RNF180: variants seen among roughly 807,000 people sequenced by gnomAD.
RNF180 encodes ring finger protein 180, also known as E3 ubiquitin-protein ligase RNF180.
In RNF180, 38 loss-of-function variants were observed where a neutral mutation model predicts 59.2. The observed-to-expected ratio is 0.64, with a 90% confidence interval of 0.50 to 0.84. RNF180 has a LOEUF of 0.84. RNF180 is among the 40% of genes least tolerant of loss of function. The probability of loss-of-function intolerance (pLI) is 0.00; values close to 1 mark genes in which losing one functional copy is unlikely to be tolerated. For missense variants in RNF180, 705 were observed against 700.9 expected (o/e 1.01, Z -0.07); for synonymous variants, 262 against 240.3 (o/e 1.09, Z -0.84).
rs553545595 is a variant in RNF180 at position 64,192,575 on chromosome 5, G to A, written c.1-8233G>A. ...TAATCCCAGCTACTCAGGAGGCTGAGGCAGGAGAATCACTTGAACCCAGGA... is the reference window on the plus strand; with the variant it reads ...TAATCCCAGCTACTCAGGAGGCTGAAGCAGGAGAATCACTTGAACCCAGGA... On this transcript the variant is annotated intron_variant, in intron 1 of 7. Coordinates refer to ENST00000389100, the MANE Select transcript of RNF180 (RefSeq NM_001113561.2). Among the ~76,000 whole-genome samples the A allele has an allele frequency of 7.9e-5, 12 of 152,142 alleles. No homozygotes were observed. In the East Asian group the frequency reaches 2.3e-3, roughly 30 times the overall value.
intron 5 of RNF180, among the ~76,000 whole-genome samples, chr5:64,268,797 C>T (rs1366541402): frequency 3.3e-5 from 5 of 152,118 alleles, no homozygotes; most frequent in Admixed American, 1.3e-4. Flanking sequence ...CCTTGGGGAA[C>T]GTGTCCTGAC....
chr5:64,363,575 T>G (rs1375674161), intron 7 of RNF180, among the ~76,000 whole-genome samples: 1 of 151,948 alleles, frequency 6.6e-6, no homozygotes, highest in African/African-American at 2.4e-5. Context: ...TTCAGGCTCT[T>G]TTTTGGTTCC....
At chr5:64,206,627 A>G (rs1254404921) in intron 2 of RNF180, among the ~76,000 whole-genome samples, 1 of 152,336 alleles carries the variant, frequency 6.6e-6, no homozygotes, top group East Asian at 1.9e-4. Flanking sequence ...ATGCTATGCT[A>G]TGGACTGAAT....
At chr5:64,216,254 G>C (rs185270695) in intron 4 of RNF180, among the ~76,000 whole-genome samples, 88 of 152,130 alleles carry the variant, frequency 5.8e-4, no homozygotes, top group African/African-American at 2.1e-3. Context: ...GTTAGAACCA[G>C]AATAATTACA....
chr5:64,204,301 G>T (rs930836133), intron 2 of RNF180, among the ~76,000 whole-genome samples: 1 of 152,092 alleles, frequency 6.6e-6, no homozygotes, highest in African/African-American at 2.4e-5. Flanking sequence ...ACTTTCTTAT[G>T]CATATCTTTG....
At chr5:64,338,416 C>T (rs1366580281) in intron 7 of RNF180, among the ~76,000 whole-genome samples, 3 of 152,140 alleles carry the variant, frequency 2.0e-5, no homozygotes, top group Non-Finnish European at 1.5e-5. Flanking sequence ...AGGCGGATCA[C>T]GAGGTCAGGA....
At chr5:64,317,597 T>TATAC (rs943486143) in intron 5 of RNF180, among the ~76,000 whole-genome samples, 29 of 123,878 alleles carry the variant, frequency 2.3e-4, no homozygotes, top group Middle Eastern at 3.9e-3. Flanking sequence ...TACATATTTA[T>TATAC]ACACACACAC....
At chr5:64,186,840 C>T (rs1750897799) in intron 1 of RNF180, among the ~76,000 whole-genome samples, 1 of 152,124 alleles carries the variant, frequency 6.6e-6, no homozygotes, top group Non-Finnish European at 1.5e-5. Context: ...TACCGACATG[C>T]ACACAACATT....
intron 5 of RNF180, among the ~76,000 whole-genome samples, chr5:64,269,326 C>T (rs1046253472): frequency 6.6e-6 from 1 of 152,112 alleles, no homozygotes; most frequent in Non-Finnish European, 1.5e-5. Context: ...CAGCCTCGAA[C>T]TCCTGGGCCC....
At chr5:64,324,594 GAGGCTCATCATGTTTCCCCATAGC>G (rs1225792667) in intron 5 of RNF180, among the ~76,000 whole-genome samples, 1 of 152,184 alleles carries the variant, frequency 6.6e-6, no homozygotes. Flanking sequence ...GGAGGGGAGA[GAGGCTCATCATGTTTCCCCATAGC>G]AAGGCTAATC....
intron 1 of RNF180, among the ~76,000 whole-genome samples, chr5:64,200,533 A>G (rs1289154766): frequency 6.6e-6 from 1 of 152,208 alleles, no homozygotes; most frequent in Non-Finnish European, 1.5e-5. Context: ...TTTTAGTGAG[A>G]GACAAATGAA....
chr5:64,175,252 C>T (rs1750172158), intron 1 of RNF180, among the ~76,000 whole-genome samples: 1 of 152,184 alleles, frequency 6.6e-6, no homozygotes, highest in Non-Finnish European at 1.5e-5. Context: ...CAGGCATGAG[C>T]CACTGTGCCT....
In RNF180 at chr5:64,339,797, A is replaced by G. The variant is rs551938694; in HGVS notation, c.1579+9391A>G. Reference sequence around the variant, plus strand: ...CTTGAACTCAGGCATAAAACTAGCTAATACTTGTCCTTTTCACCCTATGAA... The same window carrying G: ...CTTGAACTCAGGCATAAAACTAGCTGATACTTGTCCTTTTCACCCTATGAA... On this transcript the variant is annotated intron_variant, in intron 7 of 7. Coordinates refer to ENST00000389100, the MANE Select transcript of RNF180 (RefSeq NM_001113561.2). 6.8e-4 allele frequency among the ~76,000 whole-genome samples: 104 copies of G among 152,270 alleles called. 1 individual carries two copies. Among genetic ancestry groups the G allele is most frequent in the African/African-American group, 2.5e-3 (103 of 41,550 alleles).
At chr5:64,250,306 A>C (rs1327739215) in intron 5 of RNF180, among the ~76,000 whole-genome samples, 1 of 152,142 alleles carries the variant, frequency 6.6e-6, no homozygotes, top group East Asian at 1.9e-4. Context: ...TGTAGCAACA[A>C]ATGTCTACTT....
chr5:64,182,284 A>G (rs1305112974), intron 1 of RNF180, among the ~76,000 whole-genome samples: 24 of 152,084 alleles, frequency 1.6e-4, no homozygotes, highest in Non-Finnish European at 1.5e-5. Context: ...TTCTTAAATA[A>G]TGTGATTCAC....
intron 1 of RNF180, among the ~76,000 whole-genome samples, chr5:64,188,977 A>G (rs1316912875): frequency 6.6e-6 from 1 of 152,080 alleles, no homozygotes; most frequent in African/African-American, 2.4e-5. Flanking sequence ...CCCCAATCTA[A>G]TAGGACTAGT....
rs1356917607 is a variant in RNF180, at chr5:64,214,443, A to C, written c.1117A>C (p.Asn373His). ...FSLGSINQRL[N>H]KRERSKLKNL... ...ATTGGGCAGCATTAATCAGAGGCTT[A>C]ATAAGAGAGAAAGGAGCAAGTTGAA... Residue 373 changes from asparagine (N) to histidine (H), a missense_variant, in exon 4 of 8, where the codon AAT (asparagine) becomes CAT (histidine). Transcript: ENST00000389100. 1 of 1,614,020 alleles carries C rather than the reference A, an allele frequency of 6.2e-7. No homozygotes were observed. The highest frequency in any genetic ancestry group is 1.1e-5 in the South Asian group (1 of 91,090).
At chr5:64,259,613 A>G (rs968423388) in intron 5 of RNF180, among the ~76,000 whole-genome samples, 6 of 152,130 alleles carry the variant, frequency 3.9e-5, no homozygotes, top group African/African-American at 1.4e-4. Flanking sequence ...TATGATTATA[A>G]GAGTACTATA....
At chr5:64,326,517 G>T (rs1254759438) in intron 6 of RNF180, among the ~76,000 whole-genome samples, 1 of 152,086 alleles carries the variant, frequency 6.6e-6, no homozygotes, top group Non-Finnish European at 1.5e-5. Context: ...CCATCAGGCT[G>T]CATATTCAGC....
Sources: allele counts gnomAD v4.1 joint callset (sites outside exome capture counted in the v4.1 genomes callset), GRCh38; gene constraint gnomAD v4.1.1; transcripts MANE v1.5; gene names NCBI Gene and HGNC (gene_info 2026-07-23, HGNC 2026-07-21).